Variants in APOOL observed in about 807,000 individuals in gnomAD.
The protein encoded by APOOL is MICOS complex subunit MIC27.
APOOL carries 12 observed loss-of-function variants against 23.1 expected under a neutral mutation model. The ratio of observed to expected loss-of-function variants is 0.52; its 90% confidence interval spans 0.33 to 0.84. APOOL has a LOEUF of 0.84. Ranked by LOEUF, APOOL falls within the 40% of genes least tolerant of loss-of-function variation. The pLI is 0.02. For missense variants in APOOL, 212 were observed against 199.6 expected (o/e 1.06, Z -0.37); for synonymous variants, 77 against 69.9 (o/e 1.10, Z -0.51).
intron 1 of APOOL, among the ~76,000 whole-genome samples, chrX:85,026,812 C>T (rs898932756): frequency 1.8e-5 from 2 of 111,766 alleles, no homozygotes; most frequent in South Asian, 3.8e-4. Flanking sequence ...TTGTCCATAT[C>T]ACTGTCAGCA....
intron 3 of APOOL, among the ~76,000 whole-genome samples, chrX:85,052,129 A>G (rs772127032): frequency 8.9e-6 from 1 of 112,386 alleles, no homozygotes; most frequent in Non-Finnish European, 1.9e-5. Flanking sequence ...AGATTAAAGT[A>G]GTTCAGCAAG....
At chrX:85,038,378 GT>G (rs1447246861) in intron 1 of APOOL, among the ~76,000 whole-genome samples, 2 of 110,288 alleles carry the variant, frequency 1.8e-5, no homozygotes, top group Non-Finnish European at 3.8e-5. Context: ...TTTCTGTGGG[GT>G]TTTGGTATTA....
chrX:85,043,385 T>A (rs1267650906), intron 1 of APOOL, among the ~76,000 whole-genome samples: 3 of 100,549 alleles, frequency 3.0e-5, no homozygotes, highest in Non-Finnish European at 2.0e-5. Context: ...ATATCTTATT[T>A]GGTTTTCTAA....
chrX:85,011,281 CTGTT>C (rs1355210018), intron 1 of APOOL, among the ~76,000 whole-genome samples: 1 of 111,971 alleles, frequency 8.9e-6, no homozygotes, highest in Admixed American at 9.4e-5. Flanking sequence ...TTCTCCCACT[CTGTT>C]GGTTGTCTGT....
At chrX:85,038,659 A>G (rs1026063815) in intron 1 of APOOL, among the ~76,000 whole-genome samples, 1 of 105,491 alleles carries the variant, frequency 9.5e-6, no homozygotes, top group Non-Finnish European at 1.9e-5. Context: ...ATTTCTAGGA[A>G]TTTATTTGTT....
chrX:85,015,542 ATATTTATTTATTTATT>A lies in APOOL; in HGVS notation c.15+11643_15+11658del, dbSNP rs150837249. On this transcript the variant is annotated intron_variant, in intron 1 of 8. Coordinates refer to ENST00000373173, the MANE Select transcript of APOOL (RefSeq NM_198450.6). ...TTTCCTTCTTAAGGATCGGACTTTA[ATATTTATTTATTTATT>A]TATTTATTTATTTATTTATTTATTT... 3.4e-3 allele frequency among the ~76,000 whole-genome samples: 339 copies of A among 98,978 alleles called. 2 individuals are homozygous for A. The highest frequency in any genetic ancestry group is 0.011 in the African/African-American group (307 of 27,357). The allele number at this position is 98,978 out of a possible 115,157, so 86.0% of individuals were successfully genotyped here.
intron 1 of APOOL, among the ~76,000 whole-genome samples, chrX:85,022,558 G>T (rs1415844140): frequency 1.8e-5 from 2 of 111,292 alleles, no homozygotes; most frequent in Non-Finnish European, 3.8e-5. Context: ...AAAACTTCAA[G>T]AAATTAGTTA....
At chrX:85,053,608 G>A (rs1349274334) in intron 3 of APOOL, among the ~76,000 whole-genome samples, 1 of 111,451 alleles carries the variant, frequency 9.0e-6, no homozygotes, top group African/African-American at 3.2e-5. Flanking sequence ...ATGACCACGA[G>A]TAAATCATTT....
At chrX:85,051,540 G>C in intron 3 of APOOL, 32 bp downstream of exon 3, 5 of 1,207,954 alleles carry the variant, frequency 4.1e-6, no homozygotes, top group Non-Finnish European at 5.6e-6. Flanking sequence ...TTTAATATCA[G>C]AGATTTCTGA....
chrX:85,003,881 G>T lies in APOOL; in HGVS notation c.-32G>T. The T allele has an allele frequency of 1.7e-6, 2 of 1,210,882 alleles. No homozygotes were observed. Among genetic ancestry groups the T allele is most frequent in the Admixed American group, 2.2e-5 (1 of 45,986 alleles). Reference sequence around the variant, plus strand: ...ACTGATTTGTCCCTCTCTGCTCTCCGTCTGAAAACCTTGGCCGAAAGGGTT... The same window carrying T: ...ACTGATTTGTCCCTCTCTGCTCTCCTTCTGAAAACCTTGGCCGAAAGGGTT... On this transcript the variant is annotated 5_prime_UTR_variant, in exon 1 of 9. Coordinates refer to ENST00000373173, the MANE Select transcript of APOOL (RefSeq NM_198450.6).
chrX:85,093,313 CTG>C (rs1924585703), exon 9 of APOOL: 1 of 899,961 alleles, frequency 1.1e-6, no homozygotes, highest in Non-Finnish European at 1.5e-6. Flanking sequence ...ATCTAAAACT[CTG>C]TATCTGTTTT....
At chrX:85,023,414 CAG>C (rs760373113) in intron 1 of APOOL, among the ~76,000 whole-genome samples, 3 of 111,652 alleles carry the variant, frequency 2.7e-5, no homozygotes, top group Non-Finnish European at 3.8e-5. Context: ...AAATGGAAGA[CAG>C]AAATTGAAAG....
intron 1 of APOOL, among the ~76,000 whole-genome samples, chrX:85,020,297 A>G (rs1358976393): frequency 9.0e-6 from 1 of 111,685 alleles, no homozygotes; most frequent in Non-Finnish European, 1.9e-5. Flanking sequence ...TGAGTGTAGC[A>G]CAGAATTATG....
chrX:85,034,487 T>G (rs1922146880), intron 1 of APOOL, among the ~76,000 whole-genome samples: 1 of 111,389 alleles, frequency 9.0e-6, no homozygotes, highest in African/African-American at 3.3e-5. Flanking sequence ...CAACTTTTAT[T>G]CTAGGTTTAG....
chrX:85,009,931 A>C (rs1921219727), intron 1 of APOOL, among the ~76,000 whole-genome samples: 1 of 112,084 alleles, frequency 8.9e-6, no homozygotes, highest in Admixed American at 9.5e-5. Context: ...TTACTTGCTA[A>C]GGATAATAGC....
At chrX:85,010,549 C>G in intron 1 of APOOL, among the ~76,000 whole-genome samples, 1 of 111,228 alleles carries the variant, frequency 9.0e-6, no homozygotes, top group Non-Finnish European at 1.9e-5. Context: ...TAATTTTATG[C>G]CTTTGCATCC....
In APOOL at chrX:85,011,461, T is replaced by G. The variant is rs931061787; in HGVS notation, c.15+7534T>G. On this transcript the variant is annotated intron_variant, in intron 1 of 8. Transcript: ENST00000373173. ...TTCTGATGTTATCTTCTGGAATTTT[T>G]ATGGTTTCAGGTCTTAGATTTAAGT... is the stretch of plus-strand genomic sequence containing the variant. 8.9e-5 allele frequency among the ~76,000 whole-genome samples: 10 copies of G among 112,305 alleles called. No homozygotes were observed. In the East Asian group the frequency reaches 2.8e-3, roughly 31 times the overall value.
chrX:85,057,634 GGAT>G (rs916946624), intron 5 of APOOL, among the ~76,000 whole-genome samples: 21 of 105,351 alleles, frequency 2.0e-4, no homozygotes, highest in African/African-American at 7.2e-4. Context: ...TCATCTGAAT[GGAT>G]GATATATATC....
At chrX:85,011,581 T>C (rs1221533790) in intron 1 of APOOL, among the ~76,000 whole-genome samples, 1 of 111,673 alleles carries the variant, frequency 9.0e-6, no homozygotes. Context: ...TCCAACATGA[T>C]TTGTTGAACA....
Sources: allele counts gnomAD v4.1 joint callset (sites outside exome capture counted in the v4.1 genomes callset), GRCh38; gene constraint gnomAD v4.1.1; transcripts MANE v1.5; gene names NCBI Gene and HGNC (gene_info 2026-07-23, HGNC 2026-07-21).